Variants in PCSK6 observed in about 807,000 individuals in gnomAD.
PCSK6 encodes paired basic amino acid cleaving enzyme 4.
In PCSK6, 85 loss-of-function variants were observed where a neutral mutation model predicts 123.3. That is an observed-to-expected ratio of 0.69 (90% CI 0.58 to 0.83). The LOEUF is 0.83. Among genes scored for constraint, PCSK6 ranks in the 40% least tolerant of loss-of-function variants. The pLI is 0.00. For missense variants in PCSK6, 1,191 were observed against 1,282.3 expected (o/e 0.93, Z 1.09); for synonymous variants, 508 against 516.0 (o/e 0.98, Z 0.21).
Position 101,331,631 on chromosome 15 carries a change from C to T in PCSK6, c.2077+20G>A. On this transcript the variant is annotated intron_variant, in intron 15 of 21. Transcript: ENST00000611716. ...AGCTGGGAAGGTTGGAAAATACTTA[C>T]TGGTTTGAAGCATACTTACTGGTCT... 1 of 1,611,686 alleles carries T rather than the reference C, an allele frequency of 6.2e-7. No homozygotes were observed. Among genetic ancestry groups the T allele is most frequent in the Non-Finnish European group, 8.5e-7 (1 of 1,178,260 alleles).
intron 18 of PCSK6, among the ~76,000 whole-genome samples, chr15:101,320,584 C>A (rs1240112284): frequency 1.3e-5 from 2 of 152,170 alleles, no homozygotes; most frequent in South Asian, 4.1e-4. Flanking sequence ...AGCTCCTCTG[C>A]ATAGATGGCG....
At chr15:101,312,991 T>C in intron 20 of PCSK6, 1 of 1,156,788 alleles carries the variant, frequency 8.6e-7, no homozygotes. Context: ...GGCGACAGAG[T>C]GAGAGTGTGT....
chr15:101,370,326 T>C lies in PCSK6; in HGVS notation c.1721+9A>G. 1 of 1,514,386 alleles carries C rather than the reference T, an allele frequency of 6.6e-7. No homozygotes were observed. The highest frequency in any genetic ancestry group is 8.9e-7 in the Non-Finnish European group (1 of 1,126,216). 93.8% of individuals were successfully genotyped at this position (1,514,386 alleles called of 1,614,324 possible). On this transcript the variant is annotated intron_variant, in intron 12 of 21. Transcript: ENST00000611716. Reference sequence around the variant, plus strand: ...CCCAGACCCCATCCCCACGCCTGCCTCGCCTTACCTCTTTGCCAGAAGTTG... The same window carrying C: ...CCCAGACCCCATCCCCACGCCTGCCCCGCCTTACCTCTTTGCCAGAAGTTG...
intron 12 of PCSK6, among the ~76,000 whole-genome samples, chr15:101,369,195 T>TG (rs902150346): frequency 1.3e-5 from 2 of 152,126 alleles, no homozygotes; most frequent in African/African-American, 4.8e-5. Context: ...GGCAGTGCTG[T>TG]GGGGGGCACA....
At chr15:101,459,782 C>A (rs1034724875) in intron 1 of PCSK6, among the ~76,000 whole-genome samples, 1 of 151,644 alleles carries the variant, frequency 6.6e-6, no homozygotes, top group African/African-American at 2.4e-5. Flanking sequence ...TCCATCCATG[C>A]GCCTGCCACC....
At chr15:101,417,961 AT>A (rs2055948089) in intron 6 of PCSK6, among the ~76,000 whole-genome samples, 1 of 152,120 alleles carries the variant, frequency 6.6e-6, no homozygotes, top group Non-Finnish European at 1.5e-5. Context: ...GAAAAAACCT[AT>A]TTTATTAAAA....
chr15:101,427,999 C>T lies in PCSK6; in HGVS notation c.735-19G>A, dbSNP rs2056317434. 1 of 1,554,234 alleles carries T rather than the reference C, an allele frequency of 6.4e-7. No homozygotes were observed. The highest frequency in any genetic ancestry group is 1.9e-5 in the Admixed American group (1 of 51,776). The stretch of plus-strand genomic sequence containing the variant: ...GCCGTGTCTGAAACAAAGGAAAAAA[C>T]CAAGTGAGGACGCAGCCCAGCAAGT... On this transcript the variant is annotated intron_variant, in intron 5 of 21. Transcript: ENST00000611716.
intron 1 of PCSK6, among the ~76,000 whole-genome samples, chr15:101,454,321 A>G (rs1363801117): frequency 6.6e-6 from 1 of 152,144 alleles, no homozygotes; most frequent in Non-Finnish European, 1.5e-5. Flanking sequence ...ATATCTGCAT[A>G]CCCGTGTTCA....
chr15:101,352,800 C>A (rs1391814427), intron 13 of PCSK6, among the ~76,000 whole-genome samples: 1 of 152,212 alleles, frequency 6.6e-6, no homozygotes, highest in Non-Finnish European at 1.5e-5. Flanking sequence ...TTGATGAGGA[C>A]TGTGTTAAAG....
chr15:101,407,429 G>A lies in PCSK6; in HGVS notation c.824-8853C>T, dbSNP rs548665881. On this transcript the variant is annotated intron_variant, in intron 6 of 21. Transcript: ENST00000611716. ...CCCTGGGGAGACTGTTCCTTCAGGC[G>A]CTACCCAGGGTCTCGGGATAGTAAA... 5.9e-5 allele frequency among the ~76,000 whole-genome samples: 9 copies of A among 152,156 alleles called. No individual in the cohort carries two copies. The East Asian group carries it at 9.7e-4, about 16-fold the overall frequency.
intron 13 of PCSK6, among the ~76,000 whole-genome samples, chr15:101,353,752 T>A (rs2040962260): frequency 1.3e-5 from 2 of 152,228 alleles, no homozygotes; most frequent in Admixed American, 6.5e-5. Flanking sequence ...CTGCCTGTAC[T>A]GCCTTGGAGA....
intron 10 of PCSK6, among the ~76,000 whole-genome samples, 194 bp from the exon 11 acceptor site, chr15:101,382,403 C>A (rs1363188761): frequency 6.6e-6 from 1 of 152,160 alleles, no homozygotes; most frequent in East Asian, 1.9e-4. Context: ...TCTCTCTGAA[C>A]CCAACTCCTT....
At chr15:101,395,128 T>C (rs2042367611) in intron 7 of PCSK6, among the ~76,000 whole-genome samples, 1 of 152,212 alleles carries the variant, frequency 6.6e-6, no homozygotes, top group Non-Finnish European at 1.5e-5. Flanking sequence ...TCCTAGACAC[T>C]GCCACTCCTA....
chr15:101,390,935 T>C (rs1449125850), intron 8 of PCSK6, among the ~76,000 whole-genome samples: 1 of 150,584 alleles, frequency 6.6e-6, no homozygotes, highest in Non-Finnish European at 1.5e-5. Flanking sequence ...AGGACTCCAG[T>C]AGCCGATTTG....
chr15:101,448,954 T>C (rs923137611), intron 1 of PCSK6, among the ~76,000 whole-genome samples: 9 of 152,250 alleles, frequency 5.9e-5, no homozygotes, highest in African/African-American at 2.2e-4. Flanking sequence ...TGTGCATATG[T>C]GTGGATGTAT....
chr15:101,359,847 C>T (rs866073259), intron 13 of PCSK6, among the ~76,000 whole-genome samples: 9 of 152,198 alleles, frequency 5.9e-5, no homozygotes, highest in African/African-American at 1.4e-4. Flanking sequence ...GAAAGGCTGA[C>T]GATACTTAAT....
At position 101,449,093 on chromosome 15, in the gene PCSK6, G is replaced by C. The variant is rs112389671; in HGVS notation, c.298-5433C>G. On this transcript the variant is annotated intron_variant, in intron 1 of 21. Coordinates refer to ENST00000611716, the MANE Select transcript of PCSK6 (RefSeq NM_002570.5). ...TATACAGTCATGCCTTGGCATCCGT[G>C]GGGGGCTGGTTCCAGGCCACCCTGC... Among the ~76,000 whole-genome samples, 181 of 152,122 alleles carry C rather than the reference G, an allele frequency of 1.2e-3. 5 individuals are homozygous for C. The East Asian group carries it at 0.03, about 25-fold the overall frequency.
intron 1 of PCSK6, among the ~76,000 whole-genome samples, chr15:101,483,911 G>C (rs1036510425): frequency 6.6e-6 from 1 of 152,236 alleles, no homozygotes; most frequent in Admixed American, 6.5e-5. Flanking sequence ...CCTGCCTCCA[G>C]CGGTGGGCTT....
chr15:101,373,442 C>T (rs766913722), intron 11 of PCSK6, among the ~76,000 whole-genome samples: 16 of 152,180 alleles, frequency 1.1e-4, no homozygotes, highest in Non-Finnish European at 1.6e-4. Flanking sequence ...TCTGGGGCAG[C>T]GCGGGAGCCC....
Sources: gnomAD v4.1 joint callset for allele counts (sites outside exome capture counted in the v4.1 genomes callset) on GRCh38, gnomAD v4.1.1 for gene constraint, MANE v1.5 for transcripts, NCBI Gene and HGNC (gene_info 2026-07-23, HGNC 2026-07-21) for gene names.